Variants in LRBA observed in about 807,000 individuals in gnomAD.
The protein encoded by LRBA is lipopolysaccharide-responsive and beige-like anchor protein.
Under a neutral mutation model 330.0 loss-of-function variants are expected in LRBA, and 176 were observed. The observed-to-expected ratio is 0.53, with a 90% confidence interval of 0.47 to 0.60. The LOEUF (loss-of-function observed/expected upper bound fraction) is 0.60. Ranked by LOEUF, LRBA falls within the 20% of genes least tolerant of loss-of-function variation. The pLI is 0.00. For missense variants in LRBA, 3,259 were observed against 3,444.8 expected, an observed-to-expected ratio of 0.95 and a Z score of 1.35; for synonymous variants, 1,230 against 1,193.0, an observed-to-expected ratio of 1.03 and a Z score of -0.64.
intron 2 of LRBA, among the ~76,000 whole-genome samples, chr4:150,939,408 T>G (rs1458703440): frequency 6.6e-6 from 1 of 152,158 alleles, no homozygotes; most frequent in East Asian, 1.9e-4. Context: ...TACTTCTATA[T>G]GCCAAAGAAT....
intron 5 of LRBA, among the ~76,000 whole-genome samples, chr4:150,920,197 T>TA (rs943639611): frequency 3.3e-5 from 5 of 151,842 alleles, no homozygotes; most frequent in African/African-American, 4.8e-5. Flanking sequence ...AGAACTAACA[T>TA]AAAAAAAAGA....
At chr4:150,325,404 T>C (rs549349449) in intron 49 of LRBA, among the ~76,000 whole-genome samples, 1 of 152,316 alleles carries the variant, frequency 6.6e-6, no homozygotes, top group Non-Finnish European at 1.5e-5. Flanking sequence ...TGTATTAGAA[T>C]TTGTTTTAAA....
intron 39 of LRBA, among the ~76,000 whole-genome samples, chr4:150,590,123 G>A (rs771346223): frequency 1.1e-4 from 16 of 152,196 alleles, no homozygotes; most frequent in Non-Finnish European, 2.4e-4. Context: ...AAGTAAAAAA[G>A]CCATTTAATG....
intron 36 of LRBA, among the ~76,000 whole-genome samples, chr4:150,687,492 T>G (rs372001583): frequency 2.0e-5 from 3 of 152,058 alleles, no homozygotes; most frequent in East Asian, 3.8e-4. Flanking sequence ...CTATATAAAC[T>G]AGATAATATA....
At chr4:150,764,587 A>G (rs1209512557) in intron 34 of LRBA, among the ~76,000 whole-genome samples, 2 of 152,168 alleles carry the variant, frequency 1.3e-5, no homozygotes, top group East Asian at 3.9e-4. Flanking sequence ...TTAAAAGTCA[A>G]CAAAAACAAA....
intron 8 of LRBA, 114 bp from the exon 9 acceptor site, chr4:150,914,455 T>C: frequency 1.7e-6 from 1 of 598,806 alleles, no homozygotes; most frequent in East Asian, 3.0e-5. Context: ...CTAAATAGAC[T>C]AACATAATTT....
chr4:150,336,239 C>A (rs1734713069), intron 48 of LRBA, among the ~76,000 whole-genome samples: 1 of 152,144 alleles, frequency 6.6e-6, no homozygotes, highest in African/African-American at 2.4e-5. Flanking sequence ...CTAAGAACAA[C>A]TTCAGTTGAT....
intron 37 of LRBA, among the ~76,000 whole-genome samples, chr4:150,673,228 T>C (rs920681373): frequency 3.9e-5 from 6 of 152,290 alleles, no homozygotes; most frequent in Non-Finnish European, 8.8e-5. Flanking sequence ...TTAATCTAAG[T>C]ATTATTTTTT....
At chr4:150,532,697 G>C (rs547425600) in intron 40 of LRBA, among the ~76,000 whole-genome samples, 26 of 152,078 alleles carry the variant, frequency 1.7e-4, no homozygotes, top group African/African-American at 6.0e-4. Flanking sequence ...ATATAAAACA[G>C]AAAGAGAAGA....
chr4:150,405,305 A>C (rs957001127), intron 47 of LRBA, among the ~76,000 whole-genome samples: 13 of 152,238 alleles, frequency 8.5e-5, no homozygotes, highest in Admixed American at 8.5e-4. Flanking sequence ...AAGGCTATTT[A>C]AGATTTAATT....
chr4:150,947,126 G>A (rs1281028417), intron 2 of LRBA, among the ~76,000 whole-genome samples: 1 of 150,460 alleles, frequency 6.6e-6, no homozygotes, highest in Non-Finnish European at 1.5e-5. Context: ...TTTCTCTGGA[G>A]AATTCTTCTA....
intron 36 of LRBA, among the ~76,000 whole-genome samples, chr4:150,711,397 A>C (rs1164055438): frequency 6.6e-6 from 1 of 151,952 alleles, no homozygotes; most frequent in Non-Finnish European, 1.5e-5. Flanking sequence ...CACCACACCC[A>C]GCTAATTTTT....
intron 2 of LRBA, among the ~76,000 whole-genome samples, chr4:150,992,757 A>C (rs989414066): frequency 1.3e-5 from 2 of 152,220 alleles, no homozygotes; most frequent in Admixed American, 1.3e-4. Context: ...ACATAAAAGG[A>C]AATACAGATT....
chr4:150,603,423 C>T (rs1774314538), intron 37 of LRBA, among the ~76,000 whole-genome samples: 1 of 152,110 alleles, frequency 6.6e-6, no homozygotes, highest in Admixed American at 6.6e-5. Context: ...TTTGTATACA[C>T]ACACCTTTAA....
chr4:150,403,839 T>A (rs772170700), intron 47 of LRBA, among the ~76,000 whole-genome samples: 1 of 152,126 alleles, frequency 6.6e-6, no homozygotes, highest in Non-Finnish European at 1.5e-5. Flanking sequence ...GAGACCAGCC[T>A]GACCAACATG....
At chr4:150,448,744 G>A (rs1238707972) in intron 44 of LRBA, among the ~76,000 whole-genome samples, 1 of 131,604 alleles carries the variant, frequency 7.6e-6, no homozygotes, top group East Asian at 2.5e-4. Flanking sequence ...AGAGGTTGCA[G>A]TGAGCCAAGA....
At chr4:150,268,121 A>G (rs1387300710) in intron 56 of LRBA, among the ~76,000 whole-genome samples, 2 of 152,142 alleles carry the variant, frequency 1.3e-5, no homozygotes, top group Non-Finnish European at 2.9e-5. Flanking sequence ...GACATTACTG[A>G]TTTGGCAGAA....
At chr4:150,358,253 T>G (rs1655272485) in intron 47 of LRBA, among the ~76,000 whole-genome samples, 1 of 152,204 alleles carries the variant, frequency 6.6e-6, no homozygotes, top group African/African-American at 2.4e-5. Flanking sequence ...TTTATTTTGT[T>G]AGTTAAATGC....
At chr4:150,642,777 ATAAT>A (rs1258056892) in intron 37 of LRBA, among the ~76,000 whole-genome samples, 1 of 151,894 alleles carries the variant, frequency 6.6e-6, no homozygotes, top group Non-Finnish European at 1.5e-5. Flanking sequence ...TATAAGACAG[ATAAT>A]TAAACTGTAT....
Sources: gnomAD v4.1 joint callset for allele counts (sites outside exome capture counted in the v4.1 genomes callset) on GRCh38, gnomAD v4.1.1 for gene constraint, MANE v1.5 for transcripts, NCBI Gene and HGNC (gene_info 2026-07-23, HGNC 2026-07-21) for gene names.